Variants in MAP3K2 observed in about 807,000 individuals in gnomAD.
MAP3K2 encodes the protein MAP/ERK kinase kinase 2.
Under a neutral mutation model 80.3 loss-of-function variants are expected in MAP3K2, and 24 were observed. That is an observed-to-expected ratio of 0.30 (90% CI 0.22 to 0.42). The LOEUF (loss-of-function observed/expected upper bound fraction) is 0.42, where lower values mean the gene tolerates loss of function less well. Ranked by LOEUF, MAP3K2 falls within the 10% of genes least tolerant of loss-of-function variation. The pLI, the probability that MAP3K2 is intolerant of heterozygous loss-of-function variation, is 1.00. For synonymous variants in MAP3K2, 244 were observed against 253.7 expected (o/e 0.96, Z 0.36); for missense variants, 608 against 750.1 (o/e 0.81, Z 2.21).
At chr2:127,381,275 T>C (rs1008800539) in intron 1 of MAP3K2, among the ~76,000 whole-genome samples, 1 of 152,230 alleles carries the variant, frequency 6.6e-6, no homozygotes, top group Non-Finnish European at 1.5e-5. Flanking sequence ...TGTATTTTAG[T>C]AGATCCACCC....
Position 127,387,490 on chromosome 2 carries a change from G to T in MAP3K2, c.-104C>A. The T allele has an allele frequency of 1.0e-6, 1 of 985,118 alleles. No individual in the cohort carries two copies. The highest frequency in any genetic ancestry group is 1.2e-6 in the Non-Finnish European group (1 of 829,964). 61.0% of individuals were successfully genotyped at this position (985,118 alleles called of 1,614,324 possible). A position where few individuals can be genotyped will look rare whatever the true frequency, so the allele number is the denominator to read the frequency against. On this transcript the variant is annotated 5_prime_UTR_variant, in exon 1 of 17. Coordinates refer to ENST00000682094, the MANE Select transcript of MAP3K2 (RefSeq NM_001371910.2). Reference sequence around the variant, plus strand: ...GGGACGTAGAGAGCCGCAGGCCCAAGGAGGGGCCGCCCCCGCCGAGCCCGC... The same window carrying T: ...GGGACGTAGAGAGCCGCAGGCCCAATGAGGGGCCGCCCCCGCCGAGCCCGC...
intron 1 of MAP3K2, among the ~76,000 whole-genome samples, chr2:127,372,010 A>C (rs1049181120): frequency 1.3e-5 from 2 of 152,072 alleles, no homozygotes; most frequent in African/African-American, 4.8e-5. Flanking sequence ...CAGAGCAACC[A>C]CCACTGGGAG....
In MAP3K2 at chr2:127,306,753, G is replaced by T. The variant is rs1685707607; in HGVS notation, c.*826C>A. ...CATTATTTCTATTGACTGTAAATGT[G>T]GTCTCTTCTACTGCTCACACATTTG... is the stretch of plus-strand genomic sequence containing the variant. On this transcript the variant is annotated 3_prime_UTR_variant, in exon 17 of 17. Coordinates refer to ENST00000682094, the MANE Select transcript of MAP3K2 (RefSeq NM_001371910.2). The surrounding 1 kb of genome is among the most constrained non-coding windows in gnomAD (Gnocchi z 4.7). The T allele has an allele frequency of 6.6e-6, 1 of 152,022 alleles. No individual in the cohort carries two copies. Among genetic ancestry groups the T allele is most frequent in the South Asian group, 2.1e-4 (1 of 4,822 alleles). 9.4% of individuals were successfully genotyped at this position (152,022 alleles called of 1,614,324 possible). A position where few individuals can be genotyped will look rare whatever the true frequency, so the allele number is the denominator to read the frequency against.
At chr2:127,349,483 T>G (rs1305631839) in intron 1 of MAP3K2, among the ~76,000 whole-genome samples, 1 of 152,118 alleles carries the variant, frequency 6.6e-6, no homozygotes, top group Non-Finnish European at 1.5e-5. Context: ...CCCTTCATCA[T>G]GCCTATCAGT....
chr2:127,318,006 TATCTA>T (rs1685940074), intron 13 of MAP3K2, among the ~76,000 whole-genome samples, 158 bp downstream of exon 13: 1 of 148,986 alleles, frequency 6.7e-6, no homozygotes, highest in South Asian at 2.1e-4. Flanking sequence ...TAGACAAACA[TATCTA>T]ATCTGTTTTA....
At chr2:127,327,179 G>C (rs1303516976) in intron 7 of MAP3K2, among the ~76,000 whole-genome samples, 3 of 152,258 alleles carry the variant, frequency 2.0e-5, no homozygotes, top group East Asian at 3.9e-4. Context: ...TGGTTCTGTG[G>C]AAATGATGCT....
chr2:127,378,937 C>T (rs182242212), intron 1 of MAP3K2, among the ~76,000 whole-genome samples: 18 of 149,450 alleles, frequency 1.2e-4, no homozygotes, highest in Non-Finnish European at 1.9e-4. Context: ...GAACTACCGG[C>T]GTGTGTGCTA....
chr2:127,306,470 C>G lies in MAP3K2; in HGVS notation c.*1109G>C, dbSNP rs756260603. The G allele has an allele frequency of 6.6e-6, 1 of 152,170 alleles. No homozygotes were observed. The highest frequency in any genetic ancestry group is 1.5e-5 in the Non-Finnish European group (1 of 68,034). The allele number at this position is 152,170 out of a possible 1,614,324, so 9.4% of individuals were successfully genotyped here. The stretch of plus-strand genomic sequence containing the variant: ...TCCACTTTTGGCAACCACTGTTTCA[C>G]ATGATACCTGTTTTTTTGAGGTGCT... On this transcript the variant is annotated 3_prime_UTR_variant, in exon 17 of 17. Transcript: ENST00000682094. The surrounding 1 kb of genome is among the most constrained non-coding windows in gnomAD (Gnocchi z 4.7).
chr2:127,380,356 C>T (rs180889344), intron 1 of MAP3K2, among the ~76,000 whole-genome samples: 4 of 151,998 alleles, frequency 2.6e-5, no homozygotes, highest in South Asian at 2.1e-4. Context: ...CAAAGAATAC[C>T]GATAAAATAT....
At position 127,364,799 on chromosome 2, in the gene MAP3K2, A is replaced by G. The variant is rs1686943738; in HGVS notation, c.-65-21605T>C. On this transcript the variant is annotated intron_variant, in intron 1 of 16. Transcript: ENST00000682094. The surrounding 1 kb of genome is among the most constrained non-coding windows in gnomAD (Gnocchi z 4.1). ...AAAAATATACCCCTCCTATTTCTCA[A>G]TCTCTTCTCATTACTACTGCAATGA... 1.3e-5 allele frequency among the ~76,000 whole-genome samples: 2 copies of G among 151,800 alleles called. No individual in the cohort carries two copies. The highest frequency in any genetic ancestry group is 1.3e-4 in the Admixed American group (2 of 15,242).
At chr2:127,373,466 T>C (rs914093644) in intron 1 of MAP3K2, among the ~76,000 whole-genome samples, 14 of 152,192 alleles carry the variant, frequency 9.2e-5, no homozygotes, top group African/African-American at 3.4e-4. Flanking sequence ...TTAACTGGCT[T>C]TGCCCCACCC....
chr2:127,335,016 C>G (rs911775501), intron 5 of MAP3K2, among the ~76,000 whole-genome samples: 1 of 152,140 alleles, frequency 6.6e-6, no homozygotes, highest in Admixed American at 6.5e-5. Flanking sequence ...GATCTGCCCA[C>G]CTCTGCCTCC....
At position 127,327,554 on chromosome 2, in the gene MAP3K2, G is replaced by A. The variant is rs551916101; in HGVS notation, c.467-737C>T. ...AGATCAATATAGTCAATTACTAAAA[G>A]GAGATAGGACCAAAAAAAAAAAAAA... On this transcript the variant is annotated intron_variant, in intron 7 of 16. Transcript: ENST00000682094. Among the ~76,000 whole-genome samples the A allele has an allele frequency of 4.0e-5, 6 of 148,172 alleles. No individual in the cohort carries two copies. In the South Asian group the frequency reaches 1.3e-3, roughly 33 times the overall value.
upstream of MAP3K2, chr2:127,388,218 T>A: frequency 5.1e-6 from 5 of 982,354 alleles, no homozygotes; most frequent in Non-Finnish European, 6.0e-6. Context: ...GGGCAGCCTG[T>A]GCTGTTCCGT....
chr2:127,328,921 CT>C (rs1163341280), intron 7 of MAP3K2, among the ~76,000 whole-genome samples: 5 of 152,184 alleles, frequency 3.3e-5, no homozygotes, highest in African/African-American at 9.7e-5. Flanking sequence ...TTCATGCCAT[CT>C]TTAATGGCCA....
rs1161325466 is a variant in MAP3K2 at position 127,321,041 on chromosome 2, G to A, written c.1045+1005C>T. Among the ~76,000 whole-genome samples the A allele has an allele frequency of 1.3e-5, 2 of 152,152 alleles. No individual in the cohort carries two copies. The highest frequency in any genetic ancestry group is 2.9e-5 in the Non-Finnish European group (2 of 68,026). Reference sequence around the variant, plus strand: ...AGTTTGAAGTGGGAGGATTGCTTGAGCCCAGAAGGCAGAGGTTGCAATGAG... The same window carrying A: ...AGTTTGAAGTGGGAGGATTGCTTGAACCCAGAAGGCAGAGGTTGCAATGAG... On this transcript the variant is annotated intron_variant, in intron 12 of 16. Coordinates refer to ENST00000682094, the MANE Select transcript of MAP3K2 (RefSeq NM_001371910.2). This position sits in a 1 kb window ranked among gnomAD's most constrained non-coding sequence, Gnocchi z 4.4.
rs576959383 is a variant in MAP3K2, at chr2:127,306,993, A to G, written c.*586T>C. On this transcript the variant is annotated 3_prime_UTR_variant, in exon 17 of 17. Coordinates refer to ENST00000682094, the MANE Select transcript of MAP3K2 (RefSeq NM_001371910.2). The surrounding 1 kb of genome is among the most constrained non-coding windows in gnomAD (Gnocchi z 4.7). Reference sequence around the variant, plus strand: ...AAATAAACATACCTCTCAGAGATTCATATCTTCTATCAAGACTCCTACTGA... The same window carrying G: ...AAATAAACATACCTCTCAGAGATTCGTATCTTCTATCAAGACTCCTACTGA... 2.0e-4 allele frequency: 31 copies of G among 152,668 alleles called. No homozygotes were observed. The highest frequency in any genetic ancestry group is 2.1e-4 in the South Asian group (1 of 4,822). 9.5% of individuals were successfully genotyped at this position (152,668 alleles called of 1,614,324 possible).
In MAP3K2 at chr2:127,364,988, T is replaced by A. The variant is rs992859574; in HGVS notation, c.-65-21794A>T. 2.0e-5 allele frequency among the ~76,000 whole-genome samples: 3 copies of A among 151,294 alleles called. No homozygotes were observed. The highest frequency in any genetic ancestry group is 2.9e-5 in the Non-Finnish European group (2 of 67,808). ...ACTAAAACTACAAAAATTAGCCGGG[T>A]GTGGTGGCACATGCCTGTAATCCCT... On this transcript the variant is annotated intron_variant, in intron 1 of 16. Transcript: ENST00000682094. The surrounding 1 kb of genome is among the most constrained non-coding windows in gnomAD (Gnocchi z 4.1).
rs376339138 is a variant in MAP3K2 at position 127,329,925 on chromosome 2, T to G, written c.462A>C (p.Ile154=). Residue 154 remains isoleucine (I), a synonymous_variant, in exon 7 of 17, where the codon ATA becomes ATC. Transcript: ENST00000682094. The stretch of plus-strand genomic sequence containing the variant: ...ATTCAGACACTAGTTTCTTACCTAT[T>G]ATAGATAGCCGTTTTTTCCTCTCTG... ...FGAERKKRLS[I]IGPTSRDRSS... 5 of 1,571,558 alleles carry G rather than the reference T, an allele frequency of 3.2e-6. No individual in the cohort carries two copies. Among genetic ancestry groups the G allele is most frequent in the Non-Finnish European group, 4.4e-6 (5 of 1,142,584 alleles).
Sources: allele counts gnomAD v4.1 joint callset (sites outside exome capture counted in the v4.1 genomes callset), GRCh38; gene constraint gnomAD v4.1.1; non-coding constraint Gnocchi (gnomAD v3.1); transcripts MANE v1.5; gene names NCBI Gene and HGNC (gene_info 2026-07-23, HGNC 2026-07-21).